Variants in TBK1 observed in about 807,000 individuals in gnomAD.
TBK1 encodes the protein serine/threonine-protein kinase TBK1.
Under a neutral mutation model 99.9 loss-of-function variants are expected in TBK1, and 37 were observed. The ratio of observed to expected loss-of-function variants is 0.37; its 90% CI spans 0.28 to 0.49. The LOEUF is 0.49. Ranked by LOEUF, TBK1 falls within the 20% of genes least tolerant of loss-of-function variation. TBK1 has a pLI of 0.98. For synonymous variants in TBK1, 258 were observed against 279.8 expected (o/e 0.92, Z 0.78); for missense variants, 644 against 872.5 (o/e 0.74, Z 3.30).
Position 64,480,128 on chromosome 12 carries a change from T to C in TBK1, c.812+6T>C. The stretch of plus-strand genomic sequence containing the variant: ...GTTTCTTGCAGTCTTTCTCGGTAAG[T>C]ATGGTGTACCTAATTCTCATCTTTT... On this transcript the variant is annotated splice_donor_region_variant and intron_variant, in intron 7 of 20. Transcript: ENST00000331710. 6.2e-7 allele frequency: 1 copy of C among 1,605,328 alleles called. No homozygotes were observed. Among genetic ancestry groups the C allele is most frequent in the Non-Finnish European group, 8.5e-7 (1 of 1,174,326 alleles).
intron 3 of TBK1, among the ~76,000 whole-genome samples, chr12:64,463,865 T>G (rs11175402): frequency 0.42 from 63,068 of 150,214 alleles, 15,830 homozygotes; most frequent in Non-Finnish European, 0.56. Flanking sequence ...TAGTTTTTTT[T>G]TTTTGTTTTT....
At chr12:64,475,473 A>G (rs1291316456) in intron 6 of TBK1, among the ~76,000 whole-genome samples, 1 of 152,104 alleles carries the variant, frequency 6.6e-6, no homozygotes, top group East Asian at 1.9e-4. Flanking sequence ...CTTTGTGTCC[A>G]TCTTTGATGC....
intron 3 of TBK1, among the ~76,000 whole-genome samples, 177 bp downstream of exon 3, chr12:64,460,506 T>C (rs1173607644): frequency 6.6e-6 from 1 of 151,966 alleles, no homozygotes; most frequent in Non-Finnish European, 1.5e-5. Context: ...ATCATAAAAA[T>C]GGAATCAGAA....
intron 3 of TBK1, 113 bp downstream of exon 3, chr12:64,460,442 C>T: frequency 1.4e-6 from 1 of 707,366 alleles, no homozygotes; most frequent in East Asian, 2.9e-5. Flanking sequence ...GTTTGTACAA[C>T]CAAATACTTT....
intron 5 of TBK1, among the ~76,000 whole-genome samples, chr12:64,468,847 T>C (rs1435037137): frequency 1.3e-5 from 2 of 152,174 alleles, no homozygotes; most frequent in Admixed American, 6.5e-5. Context: ...CTGACTGCTG[T>C]TCTGTGCCGT....
At chr12:64,490,449 AATAATCT>A (rs545741720) in intron 13 of TBK1, among the ~76,000 whole-genome samples, 63 of 152,190 alleles carry the variant, frequency 4.1e-4, no homozygotes, top group African/African-American at 1.4e-3. Context: ...TACAATATTA[AATAATCT>A]TACTGCCTTG....
chr12:64,465,242 C>CAA (rs57575805), intron 4 of TBK1, among the ~76,000 whole-genome samples: 18,112 of 57,674 alleles, frequency 0.31, 4,196 homozygotes, highest in Non-Finnish European at 0.38. Context: ...AAGACTATCT[C>CAA]AAAAAAAAAA....
chr12:64,483,203 A>G (rs1212431731), intron 8 of TBK1, among the ~76,000 whole-genome samples: 1 of 152,228 alleles, frequency 6.6e-6, no homozygotes, highest in Non-Finnish European at 1.5e-5. Context: ...TGGATACCCC[A>G]TTCTCCATGG....
chr12:64,479,922 G>T, intron 6 of TBK1, 90 bp from the exon 7 acceptor site: 1 of 727,634 alleles, frequency 1.4e-6, no homozygotes, highest in Non-Finnish European at 2.3e-6. Flanking sequence ...GATAATTGTA[G>T]GTGCAATTGA....
At chr12:64,494,415 G>A (rs2040904414) in intron 13 of TBK1, among the ~76,000 whole-genome samples, 1 of 152,190 alleles carries the variant, frequency 6.6e-6, no homozygotes, top group Non-Finnish European at 1.5e-5. Flanking sequence ...AGGAGGCAGA[G>A]GTTGCGGGAG....
chr12:64,497,627 T>C (rs778004615), intron 18 of TBK1, 21 bp from the exon 19 acceptor site: 3 of 1,438,454 alleles, frequency 2.1e-6, no homozygotes, highest in African/African-American at 2.9e-5. Flanking sequence ...TTTTCTTTTT[T>C]TTTTTTTTTT....
In TBK1 at chr12:64,463,034, T is replaced by A. The variant is rs554108523; in HGVS notation, c.229-1300T>A. Among the ~76,000 whole-genome samples the A allele has an allele frequency of 9.2e-5, 14 of 152,192 alleles. No homozygotes were observed. The South Asian group carries it at 2.9e-3, about 32-fold the overall frequency. On this transcript the variant is annotated intron_variant, in intron 3 of 20. Transcript: ENST00000331710. ...GTAGTCATCATAAGAAAAATTTCAT[T>A]TTAAGAGGTTAGAAGAGCTGTTGTC...
chr12:64,466,280 A>G (rs915372503), intron 4 of TBK1, among the ~76,000 whole-genome samples: 1 of 152,200 alleles, frequency 6.6e-6, no homozygotes, highest in Non-Finnish European at 1.5e-5. Flanking sequence ...GTATAAAGTT[A>G]TCACTCAGTG....
chr12:64,456,594 A>T (rs1255068169), intron 2 of TBK1, among the ~76,000 whole-genome samples: 1 of 152,178 alleles, frequency 6.6e-6, no homozygotes, highest in Non-Finnish European at 1.5e-5. Context: ...TAATCCCAGC[A>T]CTTTGGGAGG....
chr12:64,476,188 C>G (rs374068928), intron 6 of TBK1, among the ~76,000 whole-genome samples: 30 of 115,914 alleles, frequency 2.6e-4, no homozygotes, highest in African/African-American at 9.6e-4. Context: ...GATGGAGTCT[C>G]GCTCTGTTGC....
At chr12:64,496,922 A>T (rs1271673115) in intron 16 of TBK1, 27 bp from the exon 17 acceptor site, 1 of 1,513,996 alleles carries the variant, frequency 6.6e-7, no homozygotes, top group Admixed American at 1.8e-5. Flanking sequence ...ACATTGGTTT[A>T]AGCCTCTGAT....
At chr12:64,482,208 T>C (rs575295317) in intron 8 of TBK1, among the ~76,000 whole-genome samples, 187 bp downstream of exon 8, 2 of 152,342 alleles carry the variant, frequency 1.3e-5, no homozygotes, top group Non-Finnish European at 2.9e-5. Flanking sequence ...TTGATAATTC[T>C]AAAATTTATA....
chr12:64,472,787 A>T (rs1003426334), intron 5 of TBK1, among the ~76,000 whole-genome samples: 11 of 151,786 alleles, frequency 7.2e-5, no homozygotes, highest in East Asian at 5.8e-4. Context: ...GAGCTATTTT[A>T]AAAAAATCAC....
At chr12:64,471,365 A>G (rs2040661058) in intron 5 of TBK1, among the ~76,000 whole-genome samples, 1 of 148,304 alleles carries the variant, frequency 6.7e-6, no homozygotes. Flanking sequence ...ATATATGTAT[A>G]CTTTTGAGAC....
Sources: allele counts gnomAD v4.1 joint callset (sites outside exome capture counted in the v4.1 genomes callset), GRCh38; gene constraint gnomAD v4.1.1; transcripts MANE v1.5; gene names NCBI Gene and HGNC (gene_info 2026-07-23, HGNC 2026-07-21).